Variants in PCED1B observed in about 807,000 individuals in gnomAD.
The protein encoded by PCED1B is PC-esterase domain containing 1B, also known as PC-esterase domain-containing protein 1B.
For missense variants in PCED1B, 573 were observed against 573.9 expected, an observed-to-expected ratio of 1.00 and a Z score of 0.02; for synonymous variants, 251 against 246.1, an observed-to-expected ratio of 1.02 and a Z score of -0.19.
intron 2 of PCED1B, among the ~76,000 whole-genome samples, chr12:47,202,615 A>G (rs4768785): frequency 6.6e-6 from 1 of 150,868 alleles, no homozygotes; most frequent in East Asian, 1.9e-4. Context: ...AAAAAAAAAA[A>G]AAAAGAAAAA....
chr12:47,217,509 A>AAAG, intron 3 of PCED1B, among the ~76,000 whole-genome samples: 1 of 139,370 alleles, frequency 7.2e-6, no homozygotes, highest in East Asian at 2.1e-4. Context: ...AGAAAGAAAG[A>AAAG]AAGAAAGAAG....
chr12:47,094,271 G>T (rs1938383753), intron 1 of PCED1B, among the ~76,000 whole-genome samples: 1 of 152,042 alleles, frequency 6.6e-6, no homozygotes, highest in Admixed American at 6.5e-5. Context: ...GCAGGGGCAG[G>T]TTTGTGTTTG....
At chr12:47,202,665 C>T (rs1403052498) in intron 2 of PCED1B, among the ~76,000 whole-genome samples, 1 of 145,594 alleles carries the variant, frequency 6.9e-6, no homozygotes, top group African/African-American at 2.5e-5. Context: ...TTTGGTTTTA[C>T]CTATGCAGTA....
intron 2 of PCED1B, among the ~76,000 whole-genome samples, chr12:47,173,908 C>G (rs1434982892): frequency 6.6e-6 from 1 of 152,174 alleles, no homozygotes; most frequent in East Asian, 1.9e-4. Context: ...GCTTTGAAGA[C>G]TATTCTTATT....
chr12:47,196,688 C>G (rs565661311), intron 2 of PCED1B, among the ~76,000 whole-genome samples: 2 of 151,998 alleles, frequency 1.3e-5, no homozygotes, highest in African/African-American at 2.4e-5. Flanking sequence ...ATTATCTGGG[C>G]GTGGTGGCGG....
chr12:47,199,998 A>T (rs961208191), intron 2 of PCED1B, among the ~76,000 whole-genome samples: 11 of 152,162 alleles, frequency 7.2e-5, no homozygotes, highest in Non-Finnish European at 8.8e-5. Flanking sequence ...CCAAAATGTC[A>T]GCCTGGGCAA....
At chr12:47,083,126 C>T (rs946505192) in intron 1 of PCED1B, among the ~76,000 whole-genome samples, 1 of 151,364 alleles carries the variant, frequency 6.6e-6, no homozygotes, top group Non-Finnish European at 1.5e-5. Flanking sequence ...CACAATTTCT[C>T]AGGTTGTAAT....
intron 3 of PCED1B, among the ~76,000 whole-genome samples, chr12:47,228,074 C>T (rs1025881571): frequency 6.8e-6 from 1 of 147,198 alleles, no homozygotes; most frequent in South Asian, 2.1e-4. Flanking sequence ...CACTCTGTTG[C>T]CCAGGCTGGA....
intron 3 of PCED1B, among the ~76,000 whole-genome samples, chr12:47,223,120 G>A (rs1439408505): frequency 6.6e-6 from 1 of 152,088 alleles, no homozygotes; most frequent in East Asian, 1.9e-4. Context: ...AAAAGAGAGA[G>A]AGAGAGAGAA....
In PCED1B at chr12:47,144,347, C is replaced by T. The variant is rs924537296; in HGVS notation, c.-526+40152C>T. 3.9e-5 allele frequency among the ~76,000 whole-genome samples: 6 copies of T among 152,258 alleles called. No individual in the cohort carries two copies. The South Asian group carries it at 8.3e-4, about 21-fold the overall frequency. ...AGCTCTGGTCCTGTAACAGGAGGGA[C>T]AGCCTCAAGGATCTCTAAATGACTT... is the stretch of plus-strand genomic sequence containing the variant. On this transcript the variant is annotated intron_variant, in intron 2 of 3. Coordinates refer to ENST00000546455, the MANE Select transcript of PCED1B (RefSeq NM_138371.3).
chr12:47,154,779 ATGTGTGTGTG>A (rs3989869), intron 2 of PCED1B, among the ~76,000 whole-genome samples: 173 of 146,698 alleles, frequency 1.2e-3, no homozygotes, highest in African/African-American at 4.2e-3. Context: ...GTGTGTGTGC[ATGTGTGTGTG>A]TGTGTGTGTG....
chr12:47,196,439 C>T (rs897573360), intron 2 of PCED1B, among the ~76,000 whole-genome samples: 2 of 152,186 alleles, frequency 1.3e-5, no homozygotes, highest in East Asian at 3.8e-4. Context: ...CTATATGTTG[C>T]CTGACATACA....
chr12:47,225,026 G>A (rs1412177356), intron 3 of PCED1B, among the ~76,000 whole-genome samples: 1 of 152,122 alleles, frequency 6.6e-6, no homozygotes, highest in African/African-American at 2.4e-5. Context: ...CCACCTCCCA[G>A]GTTCAAATGA....
At chr12:47,124,348 T>C (rs1939800593) in intron 2 of PCED1B, among the ~76,000 whole-genome samples, 1 of 152,062 alleles carries the variant, frequency 6.6e-6, no homozygotes, top group Non-Finnish European at 1.5e-5. Flanking sequence ...TATGTATCAA[T>C]AGTTACTCCT....
At chr12:47,090,999 T>TCCC (rs918190799) in intron 1 of PCED1B, among the ~76,000 whole-genome samples, 1 of 151,956 alleles carries the variant, frequency 6.6e-6, no homozygotes, top group Admixed American at 6.6e-5. Context: ...TCCCCCAAAT[T>TCCC]CCCCCCGATT....
At chr12:47,152,121 G>A (rs1488893618) in intron 2 of PCED1B, among the ~76,000 whole-genome samples, 1 of 152,144 alleles carries the variant, frequency 6.6e-6, no homozygotes, top group Non-Finnish European at 1.5e-5. Flanking sequence ...AACTGTTATA[G>A]GCTAGCAATG....
chr12:47,186,707 A>G (rs759768949), intron 2 of PCED1B, among the ~76,000 whole-genome samples: 37 of 152,182 alleles, frequency 2.4e-4, no homozygotes, highest in Non-Finnish European at 4.0e-4. Context: ...TTTCAGAAGG[A>G]GCATGGCCCT....
At chr12:47,166,634 A>G (rs1340106603) in intron 2 of PCED1B, among the ~76,000 whole-genome samples, 2 of 152,328 alleles carry the variant, frequency 1.3e-5, no homozygotes, top group South Asian at 2.1e-4. Flanking sequence ...GCTCATCTCA[A>G]TCATTCCTGC....
Position 47,235,457 on chromosome 12 carries a change from G to T in PCED1B, c.394G>T (p.Gly132Cys). 1 of 1,614,100 alleles carries T rather than the reference G, an allele frequency of 6.2e-7. No homozygotes were observed. The highest frequency in any genetic ancestry group is 8.5e-7 in the Non-Finnish European group (1 of 1,179,990). ...NSCLWDISRY[G>C]PNSWRSYLEN... The stretch of plus-strand genomic sequence containing the variant: ...CTGCCTCTGGGACATCTCCAGGTAT[G>T]GTCCGAACTCCTGGAGAAGCTACCT... The change falls in exon 4 of 4, where the codon GGT becomes TGT. Residue 132 changes from glycine (G) to cysteine (C), a missense_variant. Gly to Cys is a radical substitution (Grantham distance 159). Transcript: ENST00000546455.
Sources: allele counts gnomAD v4.1 joint callset (sites outside exome capture counted in the v4.1 genomes callset), GRCh38; gene constraint gnomAD v4.1.1; transcripts MANE v1.5; gene names NCBI Gene and HGNC (gene_info 2026-07-23, HGNC 2026-07-21).